AP3S2: variants seen among roughly 807,000 people sequenced by gnomAD.
AP3S2 encodes AP-3 complex subunit sigma-2.
A neutral mutation model predicts 23.4 loss-of-function variants in AP3S2; 22 were observed. The ratio of observed to expected loss-of-function variants is 0.94; its 90% CI spans 0.67 to 1.34. The LOEUF is 1.34. AP3S2 is among the 40% of genes most tolerant of loss of function. The probability of loss-of-function intolerance (pLI) is 0.00; values close to 1 mark genes in which losing one functional copy is unlikely to be tolerated. For synonymous variants in AP3S2, 86 were observed against 87.1 expected, an observed-to-expected ratio of 0.99 and a Z score of 0.07; for missense variants, 241 against 236.9, an observed-to-expected ratio of 1.02 and a Z score of -0.11.
intron 4 of AP3S2, among the ~76,000 whole-genome samples, chr15:89,844,225 TTCTTTCTTTC>T (rs1309385241): frequency 2.7e-5 from 1 of 36,570 alleles, no homozygotes; most frequent in African/African-American, 1.1e-4. Flanking sequence ...CTTTCTTTCT[TTCTTTCTTTC>T]TTTCTTTCTT....
chr15:89,888,734 G>A (rs932876132), intron 2 of AP3S2, 102 bp from the exon 3 acceptor site: 10 of 1,269,484 alleles, frequency 7.9e-6, no homozygotes, highest in Non-Finnish European at 1.1e-5. Context: ...GAAAGGAGAA[G>A]GCCAAACGCT....
chr15:89,883,274 A>C (rs1241834872), intron 3 of AP3S2, among the ~76,000 whole-genome samples: 2 of 152,156 alleles, frequency 1.3e-5, no homozygotes, highest in Non-Finnish European at 2.9e-5. Flanking sequence ...TTCTATGTCC[A>C]TAATCCGGCC....
chr15:89,893,719 C>A, intron 1 of AP3S2, 162 bp downstream of exon 1: 1 of 653,882 alleles, frequency 1.5e-6, no homozygotes, highest in South Asian at 2.0e-5. Flanking sequence ...GGCCTGGCAC[C>A]AGCCTGCGCC....
intron 5 of AP3S2, 85 bp from the exon 6 acceptor site, chr15:89,835,728 A>C: frequency 8.8e-6 from 13 of 1,477,218 alleles, no homozygotes; most frequent in Non-Finnish European, 1.1e-5. Context: ...AAAAAGCAAA[A>C]ACAAAAACAA....
At chr15:89,863,497 A>G (rs1896051275) in intron 4 of AP3S2, among the ~76,000 whole-genome samples, 1 of 152,206 alleles carries the variant, frequency 6.6e-6, no homozygotes, top group African/African-American at 2.4e-5. Flanking sequence ...ACTTGGCTCT[A>G]GAAATGGAAT....
At chr15:89,888,721 C>T in intron 2 of AP3S2, 89 bp from the exon 3 acceptor site, 7 of 1,383,252 alleles carry the variant, frequency 5.1e-6, no homozygotes, top group Non-Finnish European at 6.9e-6. Flanking sequence ...AAAGGACCCA[C>T]TGGAAAGGAG....
rs1425659225 is a variant in AP3S2, at chr15:89,893,981, T to C, written c.-32A>G. 1.9e-6 allele frequency: 3 copies of C among 1,547,556 alleles called. No homozygotes were observed. Among genetic ancestry groups the C allele is most frequent in the Non-Finnish European group, 2.6e-6 (3 of 1,144,734 alleles). On this transcript the variant is annotated 5_prime_UTR_variant, in exon 1 of 6. Transcript: ENST00000336418. ...CAGCCACGGTTCTCTCAGCACCGGC[T>C]ACTCCCAGAAAGCTCCTCCTTCCGC...
intron 4 of AP3S2, among the ~76,000 whole-genome samples, chr15:89,860,888 C>T (rs951658205): frequency 1.3e-4 from 20 of 152,170 alleles, no homozygotes; most frequent in African/African-American, 4.8e-4. Flanking sequence ...TGTTAACTCG[C>T]ACCTTTTACA....
rs1452274169 is a variant in AP3S2, at chr15:89,835,588, A to T, written c.509T>A (p.Leu170Gln). ...GTTGATGTTCCGAGGAATCTCTGGC[A>T]GGTTGATGTTTTTCACAGCAGACAC... ...RAVSAVKNIN[L>Q]PEIPRNINIG... The change falls in exon 6 of 6, where the codon CTG becomes CAG. Residue 170 changes from leucine (L) to glutamine (Q), a missense_variant. Transcript: ENST00000336418. 6.2e-7 allele frequency: 1 copy of T among 1,613,296 alleles called. No homozygotes were observed. The highest frequency in any genetic ancestry group is 2.2e-5 in the East Asian group (1 of 44,794).
intron 3 of AP3S2, chr15:89,886,421 T>C (rs1896703390): frequency 6.6e-6 from 1 of 152,152 alleles, no homozygotes; most frequent in South Asian, 2.1e-4. Flanking sequence ...ATCTCCAAGG[T>C]CCATTTTCTC....
intron 4 of AP3S2, among the ~76,000 whole-genome samples, chr15:89,851,504 A>G (rs989120390): frequency 2.0e-5 from 3 of 152,014 alleles, no homozygotes; most frequent in African/African-American, 7.2e-5. Flanking sequence ...ACGCCTGGCT[A>G]ATTTTTCTAT....
chr15:89,865,994 A>G (rs1178358324), intron 4 of AP3S2, among the ~76,000 whole-genome samples: 1 of 151,984 alleles, frequency 6.6e-6, no homozygotes, highest in Non-Finnish European at 1.5e-5. Context: ...GCGGTGGCTC[A>G]CTCACGCCTG....
At position 89,858,481 on chromosome 15, in the gene AP3S2, A is replaced by AG. The variant is rs1895901563; in HGVS notation, c.345+12993_345+12994insC. ...AAAGAAAGAAAGAAAGAAAGAAAGA[A>AG]AGAAAGAAAGAAAGAGAGAGAGAGA... On this transcript the variant is annotated intron_variant, in intron 4 of 5. Coordinates refer to ENST00000336418, the MANE Select transcript of AP3S2 (RefSeq NM_005829.5). Among the ~76,000 whole-genome samples the AG allele has an allele frequency of 8.3e-5, 3 of 36,330 alleles. No homozygotes were observed. The Admixed American group carries it at 1.2e-3, about 14-fold the overall frequency. 23.8% of individuals were successfully genotyped at this position (36,330 alleles called of 152,430 possible).
rs1241956259 is a variant in AP3S2, at chr15:89,830,922, G to A, written c.*4593C>T. 1 of 151,502 alleles carries A rather than the reference G, an allele frequency of 6.6e-6. No homozygotes were observed. Among genetic ancestry groups the A allele is most frequent in the Non-Finnish European group, 1.5e-5 (1 of 67,942 alleles). The allele number at this position is 151,502 out of a possible 1,614,324, so 9.4% of individuals were successfully genotyped here. On this transcript the variant is annotated 3_prime_UTR_variant, in exon 6 of 6. Transcript: ENST00000336418. ...CAAACGGAACACAACCCACTCTCAG[G>A]AAGACATCCCTAACACAAATCCAGG... is the stretch of plus-strand genomic sequence containing the variant.
chr15:89,843,643 A>G (rs565940561), intron 4 of AP3S2, among the ~76,000 whole-genome samples: 1 of 152,144 alleles, frequency 6.6e-6, no homozygotes, highest in East Asian at 1.9e-4. Flanking sequence ...TCAGAAAAAA[A>G]CAAACAAACA....
intron 5 of AP3S2, 56 bp from the exon 6 acceptor site, chr15:89,835,699 GCTAA>G: frequency 1.2e-6 from 1 of 867,060 alleles, no homozygotes; most frequent in Non-Finnish European, 1.5e-6. Flanking sequence ...TCTGCTTAAT[GCTAA>G]AAAAAAAAAA....
intron 4 of AP3S2, chr15:89,845,560 T>C (rs536540661): frequency 1.3e-5 from 2 of 152,332 alleles, no homozygotes; most frequent in African/African-American, 2.4e-5. Flanking sequence ...GAACTGGAGA[T>C]AGAGTCAGGG....
At chr15:89,893,710 G>A (rs1321932195) in intron 1 of AP3S2, 171 bp downstream of exon 1, 2 of 620,546 alleles carry the variant, frequency 3.2e-6, no homozygotes, top group Non-Finnish European at 5.5e-6. Flanking sequence ...GAGACAGAAG[G>A]CCTGGCACCA....
rs764338290 is a variant in AP3S2, at chr15:89,835,453, C to G, written c.*62G>C. 6.2e-7 allele frequency: 1 copy of G among 1,600,148 alleles called. No homozygotes were observed. The highest frequency in any genetic ancestry group is 1.4e-5 in the African/African-American group (1 of 72,898). On this transcript the variant is annotated 3_prime_UTR_variant, in exon 6 of 6. Coordinates refer to ENST00000336418, the MANE Select transcript of AP3S2 (RefSeq NM_005829.5). ...GCTCAAAATGGGTTCTGTTTCCAGACGTGCTTGCCTTGCTTGTCTTTGCTT... is the reference window on the plus strand; with the variant it reads ...GCTCAAAATGGGTTCTGTTTCCAGAGGTGCTTGCCTTGCTTGTCTTTGCTT...
Sources: allele counts gnomAD v4.1 joint callset (sites outside exome capture counted in the v4.1 genomes callset), GRCh38; gene constraint gnomAD v4.1.1; transcripts MANE v1.5; gene names NCBI Gene and HGNC (gene_info 2026-07-23, HGNC 2026-07-21).